GLRA2: variants seen among roughly 807,000 people sequenced by gnomAD.
GLRA2 encodes glycine receptor alpha 2.
Under a neutral mutation model 31.6 loss-of-function variants are expected in GLRA2, and 11 were observed. That is an observed-to-expected ratio of 0.35 (90% CI 0.22 to 0.58). GLRA2 has a LOEUF of 0.58. Ranked by LOEUF, GLRA2 falls within the 20% of genes least tolerant of loss-of-function variation. The pLI is 0.84. For missense variants in GLRA2, 212 were observed against 351.8 expected, an observed-to-expected ratio of 0.60 and a Z score of 3.18; for synonymous variants, 132 against 134.0, an observed-to-expected ratio of 0.99 and a Z score of 0.10.
the GLRA2 span, among the ~76,000 whole-genome samples, chrX:14,475,979 A>G: frequency 3.6e-5 from 4 of 111,645 alleles, no homozygotes; most frequent in African/African-American, 1.3e-4. Flanking sequence ...GCCTCTTAAT[A>G]TCCAGTCCCC....
intron 7 of GLRA2, among the ~76,000 whole-genome samples, chrX:14,672,907 T>C (rs2091108877): frequency 1.8e-5 from 2 of 110,983 alleles, no homozygotes; most frequent in Admixed American, 1.9e-4. Flanking sequence ...GCGCCCAGAG[T>C]GCCATGCCAA....
chrX:14,665,356 C>T (rs1055061834), intron 7 of GLRA2, among the ~76,000 whole-genome samples: 4 of 111,960 alleles, frequency 3.6e-5, no homozygotes, highest in Non-Finnish European at 7.5e-5. Flanking sequence ...TTGGAGGCGG[C>T]CATATACAAT....
intron 2 of GLRA2, among the ~76,000 whole-genome samples, chrX:14,556,935 A>G (rs1458106868): frequency 9.0e-6 from 1 of 111,021 alleles, no homozygotes; most frequent in Non-Finnish European, 1.9e-5. Context: ...TACTAGACAC[A>G]TAATGGGTAC....
At chrX:14,495,574 CTG>C in the GLRA2 span, among the ~76,000 whole-genome samples, 1 of 108,209 alleles carries the variant, frequency 9.2e-6, no homozygotes, top group African/African-American at 3.4e-5. Context: ...ATATATATGT[CTG>C]TGTGAGTGTG....
chrX:14,721,079 C>T (rs1356041970), intron 8 of GLRA2, among the ~76,000 whole-genome samples: 2 of 103,251 alleles, frequency 1.9e-5, no homozygotes, highest in African/African-American at 7.2e-5. Flanking sequence ...GTGATCATGG[C>T]ACTGCACTTC....
the GLRA2 span, among the ~76,000 whole-genome samples, chrX:14,475,002 A>G: frequency 8.9e-6 from 1 of 111,862 alleles, no homozygotes; most frequent in Non-Finnish European, 1.9e-5. Flanking sequence ...ACACAAAATC[A>G]TGGCACTGGT....
intron 8 of GLRA2, among the ~76,000 whole-genome samples, chrX:14,696,763 G>C (rs111601547): frequency 9.0e-6 from 1 of 111,186 alleles, no homozygotes; most frequent in Non-Finnish European, 1.9e-5. Context: ...GAGCAAAAAG[G>C]ATACCTTAGA....
the GLRA2 span, among the ~76,000 whole-genome samples, chrX:14,514,239 T>G: frequency 1.5e-4 from 16 of 108,751 alleles, no homozygotes; most frequent in Admixed American, 1.2e-3. Context: ...ACAGTGGACT[T>G]TGGGGACTCG....
intron 7 of GLRA2, among the ~76,000 whole-genome samples, chrX:14,619,177 G>C (rs1035349218): frequency 7.2e-5 from 8 of 110,929 alleles, no homozygotes; most frequent in African/African-American, 2.6e-4. Flanking sequence ...CTTTGTACTG[G>C]AATATTCTTT....
At chrX:14,721,120 C>T (rs1452195765) in intron 8 of GLRA2, among the ~76,000 whole-genome samples, 14 of 71,724 alleles carry the variant, frequency 2.0e-4, no homozygotes, top group Non-Finnish European at 3.6e-4. Context: ...GACCCTGTCT[C>T]AAAAAAAAAA....
chrX:14,607,314 C>A (rs767536117), intron 6 of GLRA2, 46 bp downstream of exon 6: 2 of 1,027,034 alleles, frequency 1.9e-6, no homozygotes, highest in Non-Finnish European at 2.6e-6. Context: ...CACAAGTGAG[C>A]GCCATTTGCA....
chrX:14,507,715 A>C, the GLRA2 span, among the ~76,000 whole-genome samples: 4 of 19,864 alleles, frequency 2.0e-4, no homozygotes, highest in African/African-American at 7.5e-4. Context: ...TTTTTTTTGG[A>C]GACAGAGTCT....
In GLRA2 at chrX:14,589,677, AT is replaced by A. The variant is rs1335247151; in HGVS notation, c.494+8272del. 2.7e-4 allele frequency among the ~76,000 whole-genome samples: 28 copies of A among 104,329 alleles called. 1 individual carries two copies. Among genetic ancestry groups the A allele is most frequent in the African/African-American group, 8.6e-4 (25 of 28,947 alleles). 90.6% of individuals were successfully genotyped at this position (104,329 alleles called of 115,157 possible). A position where few individuals can be genotyped will look rare whatever the true frequency, so the allele number is the denominator to read the frequency against. On this transcript the variant is annotated intron_variant, in intron 4 of 8. Coordinates refer to ENST00000218075, the MANE Select transcript of GLRA2 (RefSeq NM_002063.4). ...CAGAGCGAGACTCTATCTCAAAAAA[AT>A]ATATATATATATATGTATAGTGTAT...
intron 7 of GLRA2, among the ~76,000 whole-genome samples, chrX:14,625,869 T>G (rs1475667175): frequency 9.0e-6 from 1 of 111,632 alleles, no homozygotes. Flanking sequence ...CCCAACGAAG[T>G]AGGTACTATT....
chrX:14,658,734 A>G (rs1314692934), intron 7 of GLRA2, among the ~76,000 whole-genome samples: 2 of 112,063 alleles, frequency 1.8e-5, no homozygotes, highest in Non-Finnish European at 3.8e-5. Flanking sequence ...AGCTGAATCA[A>G]CCAACCTCAT....
intron 7 of GLRA2, among the ~76,000 whole-genome samples, chrX:14,669,357 G>A (rs1039904234): frequency 4.5e-5 from 5 of 111,636 alleles, no homozygotes; most frequent in African/African-American, 1.3e-4. Flanking sequence ...TCATTCTGGG[G>A]TCGGAAGGAC....
the GLRA2 span, among the ~76,000 whole-genome samples, chrX:14,521,438 C>T: frequency 1.8e-5 from 2 of 111,746 alleles, no homozygotes; most frequent in African/African-American, 3.3e-5. Context: ...CTCCATCCTT[C>T]GGACTCCAAG....
At chrX:14,592,784 C>T (rs1213509018) in intron 4 of GLRA2, among the ~76,000 whole-genome samples, 1 of 112,463 alleles carries the variant, frequency 8.9e-6, no homozygotes. Flanking sequence ...GATTCAATCA[C>T]CAGGAATATC....
the GLRA2 span, among the ~76,000 whole-genome samples, chrX:14,488,225 C>A: frequency 8.9e-6 from 1 of 111,964 alleles, no homozygotes; most frequent in East Asian, 2.8e-4. Flanking sequence ...GAGCACAGTG[C>A]CTTTGGAATT....
Sources: gnomAD v4.1 joint callset for allele counts (sites outside exome capture counted in the v4.1 genomes callset) on GRCh38, gnomAD v4.1.1 for gene constraint, MANE v1.5 for transcripts, NCBI Gene and HGNC (gene_info 2026-07-23, HGNC 2026-07-21) for gene names.